Variants in MYO16 observed in about 807,000 individuals in gnomAD.
The protein encoded by MYO16 is unconventional myosin-XVI.
A neutral mutation model predicts 205.3 loss-of-function variants in MYO16; 94 were observed. The observed-to-expected ratio is 0.46, with a 90% CI of 0.39 to 0.54. The LOEUF (loss-of-function observed/expected upper bound fraction) is 0.54. Ranked by LOEUF, MYO16 falls within the 20% of genes least tolerant of loss-of-function variation. The pLI is 0.00. For missense variants in MYO16, 2,315 were observed against 2,387.5 expected, an observed-to-expected ratio of 0.97 and a Z score of 0.63; for synonymous variants, 988 against 954.0, an observed-to-expected ratio of 1.04 and a Z score of -0.66.
the MYO16 span, among the ~76,000 whole-genome samples, chr13:108,588,524 T>C: frequency 6.6e-6 from 1 of 152,136 alleles, no homozygotes; most frequent in Admixed American, 6.5e-5. Flanking sequence ...CCAAGGAAGG[T>C]ATTTATTAAG....
Position 108,846,638 on chromosome 13 carries a change from A to G in MYO16, c.1248+2145A>G, listed in dbSNP as rs572670233. ...AATTGAGTGTGACTGACAATTGAAC[A>G]CTATTTTTAAACTTATGGAGTTATT... On this transcript the variant is annotated intron_variant, in intron 10 of 34. Transcript: ENST00000457511. Among the ~76,000 whole-genome samples, 8 of 152,158 alleles carry G rather than the reference A, an allele frequency of 5.3e-5. No individual in the cohort carries two copies. In the South Asian group the frequency reaches 8.3e-4, roughly 16 times the overall value.
At chr13:109,186,635 C>A (rs1879701866) in intron 34 of MYO16, among the ~76,000 whole-genome samples, 1 of 150,586 alleles carries the variant, frequency 6.6e-6, no homozygotes, top group East Asian at 1.9e-4. Flanking sequence ...CACACACAAA[C>A]ACACACAATC....
At chr13:108,681,032 G>A (rs1473311423) in intron 2 of MYO16, among the ~76,000 whole-genome samples, 5 of 152,140 alleles carry the variant, frequency 3.3e-5, no homozygotes, top group African/African-American at 1.2e-4. Context: ...TTTTTCCAAA[G>A]TCTGGTCACT....
At chr13:108,594,816 T>C (rs1252775698), upstream of MYO16, among the ~76,000 whole-genome samples, 1 of 152,184 alleles carries the variant, frequency 6.6e-6, no homozygotes, top group African/African-American at 2.4e-5. Flanking sequence ...TTAGAAATAT[T>C]CAGTCATACA....
At chr13:108,794,875 AC>A (rs1886736535) in intron 6 of MYO16, among the ~76,000 whole-genome samples, 1 of 152,216 alleles carries the variant, frequency 6.6e-6, no homozygotes. Context: ...CATGAAAAAA[AC>A]ATGGTGTGAG....
At chr13:109,200,990 C>T (rs1334846477) in intron 34 of MYO16, among the ~76,000 whole-genome samples, 3 of 152,006 alleles carry the variant, frequency 2.0e-5, no homozygotes, top group African/African-American at 7.2e-5. Flanking sequence ...CAGCATATGC[C>T]ATAAGGAGAT....
chr13:108,607,126 C>T (rs1428161330), intron 1 of MYO16, among the ~76,000 whole-genome samples: 4 of 152,174 alleles, frequency 2.6e-5, no homozygotes, highest in Non-Finnish European at 5.9e-5. Context: ...TTTGGTTTTA[C>T]AGGCTCATAG....
At position 109,004,859 on chromosome 13, in the gene MYO16, C is replaced by A. The variant is rs183919721; in HGVS notation, c.2443-4038C>A. On this transcript the variant is annotated intron_variant, in intron 21 of 34. Coordinates refer to ENST00000457511, the MANE Select transcript of MYO16 (RefSeq NM_001198950.3). ...GAATTTGTTGGTCTGTGTCCATATTCAAATCGTATTTGCCTTAACAACAAC... is the reference window on the plus strand; with the variant it reads ...GAATTTGTTGGTCTGTGTCCATATTAAAATCGTATTTGCCTTAACAACAAC... Among the ~76,000 whole-genome samples the A allele has an allele frequency of 8.5e-5, 13 of 152,312 alleles. No individual in the cohort carries two copies. The East Asian group carries it at 2.5e-3, about 29-fold the overall frequency.
chr13:108,941,202 G>A (rs1194699237), intron 16 of MYO16, among the ~76,000 whole-genome samples: 2 of 152,176 alleles, frequency 1.3e-5, no homozygotes, highest in Middle Eastern at 3.4e-3. Flanking sequence ...CCTGATGAGT[G>A]GTTTTGGTAG....
rs772555049 is a variant in MYO16, at chr13:109,127,474, C to T, written c.3975C>T (p.Asp1325=). The T allele has an allele frequency of 6.2e-7, 1 of 1,613,934 alleles. No homozygotes were observed. Among genetic ancestry groups the T allele is most frequent in the South Asian group, 1.1e-5 (1 of 91,078 alleles). Residue 1325 remains aspartate (D), a synonymous_variant, in exon 31 of 35, where the codon GAC becomes GAT. Coordinates refer to ENST00000457511, the MANE Select transcript of MYO16 (RefSeq NM_001198950.3). This position sits in a 1 kb window ranked among gnomAD's most constrained non-coding sequence, Gnocchi z 4.2. ...RKQPPPKPKR[D]PNTRLSASYE... is the part of the protein sequence containing the mutation. ...AGCCCCCGCCCAAGCCAAAGAGGGACCCCAACACCCGGCTGAGTGCTTCCT... is the reference window on the plus strand; with the variant it reads ...AGCCCCCGCCCAAGCCAAAGAGGGATCCCAACACCCGGCTGAGTGCTTCCT...
intron 14 of MYO16, among the ~76,000 whole-genome samples, chr13:108,889,856 GACATGCCACAGTGTACTGCAAAC>G: frequency 6.6e-6 from 1 of 152,092 alleles, no homozygotes; most frequent in Non-Finnish European, 1.5e-5. Context: ...GAATTTCCTG[GACATGCCACAGTGTACTGCAAAC>G]ACGTGGCCAA....
intron 16 of MYO16, among the ~76,000 whole-genome samples, chr13:108,951,681 A>C (rs571374887): frequency 6.7e-4 from 102 of 152,186 alleles, no homozygotes; most frequent in Non-Finnish European, 1.3e-3. Flanking sequence ...GAAGAAATGA[A>C]CAGTATATAA....
At chr13:108,503,329 G>A in the MYO16 span, among the ~76,000 whole-genome samples, 387 of 152,258 alleles carry the variant, frequency 2.5e-3, 6 homozygotes, top group South Asian at 0.026. Context: ...GCAAGGCAGG[G>A]GCCAGCCTCT....
intron 27 of MYO16, among the ~76,000 whole-genome samples, chr13:109,091,643 T>A (rs1185972270): frequency 1.3e-5 from 2 of 152,214 alleles, no homozygotes; most frequent in Non-Finnish European, 2.9e-5. Context: ...CCTTGGCTGC[T>A]CCAAAATTGG....
chr13:108,832,896 C>A (rs192355046), intron 9 of MYO16, among the ~76,000 whole-genome samples: 1 of 151,952 alleles, frequency 6.6e-6, no homozygotes, highest in African/African-American at 2.4e-5. Flanking sequence ...TATTGATAAA[C>A]CTGTCAATAA....
At chr13:109,174,932 A>C (rs957583182) in intron 33 of MYO16, among the ~76,000 whole-genome samples, 1 of 148,418 alleles carries the variant, frequency 6.7e-6, no homozygotes, top group East Asian at 2.0e-4. Context: ...TATTTTTTTT[A>C]GTAGAGGCAG....
intron 9 of MYO16, among the ~76,000 whole-genome samples, chr13:108,830,737 G>C (rs1876571394): frequency 6.6e-6 from 1 of 151,900 alleles, no homozygotes; most frequent in Non-Finnish European, 1.5e-5. Context: ...TTGTGCACAG[G>C]TACCCTAAAA....
chr13:108,761,361 A>G (rs947642496), intron 4 of MYO16, among the ~76,000 whole-genome samples: 1 of 140,262 alleles, frequency 7.1e-6, no homozygotes, highest in Non-Finnish European at 1.7e-5. Context: ...TGGACACTAA[A>G]AAAGAAAAAG....
intron 12 of MYO16, among the ~76,000 whole-genome samples, chr13:108,878,557 C>T (rs1045730011): frequency 1.8e-4 from 28 of 152,340 alleles, no homozygotes; most frequent in Admixed American, 1.8e-3. Flanking sequence ...GGATGCCAGA[C>T]AAGAGCTTAG....
Sources: gnomAD v4.1 joint callset for allele counts (sites outside exome capture counted in the v4.1 genomes callset) on GRCh38, gnomAD v4.1.1 for gene constraint, Gnocchi (gnomAD v3.1) non-coding constraint, MANE v1.5 for transcripts, NCBI Gene and HGNC (gene_info 2026-07-23, HGNC 2026-07-21) for gene names.